Variants in MAB21L3 observed in about 807,000 individuals in gnomAD.
MAB21L3 encodes protein mab-21-like 3.
In MAB21L3, 36 loss-of-function variants were observed where a neutral mutation model predicts 37.7. The ratio of observed to expected loss-of-function variants is 0.96; its 90% CI spans 0.73 to 1.26. The LOEUF (loss-of-function observed/expected upper bound fraction) is 1.26, where lower values mean the gene tolerates loss of function less well. MAB21L3 is among the 50% of genes most tolerant of loss of function. The pLI is 0.00. For synonymous variants in MAB21L3, 186 were observed against 176.8 expected, an observed-to-expected ratio of 1.05 and a Z score of -0.41; for missense variants, 430 against 447.3, an observed-to-expected ratio of 0.96 and a Z score of 0.35.
chr1:116,121,313 G>A (rs1436334226), intron 4 of MAB21L3, among the ~76,000 whole-genome samples: 1 of 152,146 alleles, frequency 6.6e-6, no homozygotes, highest in Non-Finnish European at 1.5e-5. Flanking sequence ...ATGGCTTGAG[G>A]CCAAGAGTTT....
intron 3 of MAB21L3, among the ~76,000 whole-genome samples, chr1:116,113,053 C>T (rs1659475062): frequency 6.6e-6 from 1 of 152,098 alleles, no homozygotes. Context: ...GAAATTAAAA[C>T]AAAGCTTTTT....
At position 116,133,397 on chromosome 1, in the gene MAB21L3, T is replaced by G; in HGVS notation, c.*32T>G. On this transcript the variant is annotated 3_prime_UTR_variant, in exon 8 of 8. Transcript: ENST00000369500. ...CCCCGGCCTGGGAGGCTCTTGGACATTTTATTCTGGCTTAACATTGTTCTT... is the reference window on the plus strand; with the variant it reads ...CCCCGGCCTGGGAGGCTCTTGGACAGTTTATTCTGGCTTAACATTGTTCTT... 8.8e-6 allele frequency: 14 copies of G among 1,583,458 alleles called. No homozygotes were observed. The highest frequency in any genetic ancestry group is 1.2e-5 in the Non-Finnish European group (14 of 1,152,326).
chr1:116,123,986 A>T, intron 4 of MAB21L3, 80 bp from the exon 5 acceptor site: 1 of 1,445,180 alleles, frequency 6.9e-7, no homozygotes, highest in Non-Finnish European at 9.4e-7. Flanking sequence ...CTGCCTGACG[A>T]GACAGGTTGG....
At chr1:116,120,455 A>G (rs995124631) in intron 3 of MAB21L3, among the ~76,000 whole-genome samples, 4 of 151,586 alleles carry the variant, frequency 2.6e-5, no homozygotes, top group Non-Finnish European at 4.4e-5. Flanking sequence ...ACACATATAT[A>G]TATACAGGAA....
chr1:116,131,729 TG>T (rs1166601111), intron 7 of MAB21L3, among the ~76,000 whole-genome samples: 1 of 152,198 alleles, frequency 6.6e-6, no homozygotes, highest in East Asian at 1.9e-4. Flanking sequence ...TTAGCCAGGA[TG>T]GGACCTTGAA....
Position 116,133,375 on chromosome 1 carries a change from C to G in MAB21L3, c.*10C>G. 6.2e-7 allele frequency: 1 copy of G among 1,610,134 alleles called. No homozygotes were observed. The highest frequency in any genetic ancestry group is 8.5e-7 in the Non-Finnish European group (1 of 1,176,374). On this transcript the variant is annotated 3_prime_UTR_variant, in exon 8 of 8. Transcript: ENST00000369500. ...GATCGGCCCGCCCTGATGGTTGCCC[C>G]GGCCTGGGAGGCTCTTGGACATTTT...
intron 3 of MAB21L3, among the ~76,000 whole-genome samples, chr1:116,117,548 A>G (rs547683526): frequency 5.3e-5 from 8 of 151,790 alleles, no homozygotes; most frequent in Admixed American, 2.6e-4. Context: ...TAGCACCTCA[A>G]CTCTTACCTT....
At chr1:116,114,715 C>G (rs764936852) in intron 3 of MAB21L3, among the ~76,000 whole-genome samples, 3 of 152,084 alleles carry the variant, frequency 2.0e-5, no homozygotes, top group Non-Finnish European at 4.4e-5. Context: ...TGTACATAAC[C>G]CCAAAGGAAG....
intron 3 of MAB21L3, among the ~76,000 whole-genome samples, chr1:116,119,167 A>G (rs760669493): frequency 4.6e-5 from 7 of 152,172 alleles, no homozygotes; most frequent in Non-Finnish European, 8.8e-5. Flanking sequence ...ATAGCATCCC[A>G]CAATTGTATT....
intron 5 of MAB21L3, among the ~76,000 whole-genome samples, chr1:116,126,650 G>GA (rs537032832): frequency 8.6e-5 from 13 of 151,820 alleles, no homozygotes; most frequent in East Asian, 3.9e-4. Context: ...GGTGAAGAGG[G>GA]AAAAAAAATG....
At chr1:116,120,434 C>CACACACACACACAA in intron 3 of MAB21L3, among the ~76,000 whole-genome samples, 1 of 126,784 alleles carries the variant, frequency 7.9e-6, no homozygotes, top group Non-Finnish European at 1.5e-5. Flanking sequence ...CACACACAAA[C>CACACACACACACAA]ACACACACAC....
chr1:116,131,586 C>T (rs1212404625), intron 7 of MAB21L3, among the ~76,000 whole-genome samples: 1 of 152,168 alleles, frequency 6.6e-6, no homozygotes, highest in Non-Finnish European at 1.5e-5. Flanking sequence ...ATGATCTTGG[C>T]TCACTGCAAG....
chr1:116,133,666 T>A lies in MAB21L3; in HGVS notation c.*301T>A. The stretch of plus-strand genomic sequence containing the variant: ...TGACAGTTCTGAACTTAGTTTCCCT[T>A]GTTCAGGCTGTGATCGTCTCACAGT... On this transcript the variant is annotated 3_prime_UTR_variant, in exon 8 of 8. Coordinates refer to ENST00000369500, the MANE Select transcript of MAB21L3 (RefSeq NM_152367.3). The A allele has an allele frequency of 2.2e-6, 1 of 456,102 alleles. No individual in the cohort carries two copies. The highest frequency in any genetic ancestry group is 3.7e-5 in the Admixed American group (1 of 27,264). The allele number at this position is 456,102 out of a possible 1,614,324, so 28.3% of individuals were successfully genotyped here.
At chr1:116,118,834 C>T (rs1482324196) in intron 3 of MAB21L3, among the ~76,000 whole-genome samples, 1 of 152,220 alleles carries the variant, frequency 6.6e-6, no homozygotes, top group Non-Finnish European at 1.5e-5. Context: ...ACAACTCCAA[C>T]ACACTGTGCC....
At position 116,112,511 on chromosome 1, in the gene MAB21L3, G is replaced by A; in HGVS notation, c.-105G>A. On this transcript the variant is annotated 5_prime_UTR_variant, in exon 3 of 8. Coordinates refer to ENST00000369500, the MANE Select transcript of MAB21L3 (RefSeq NM_152367.3). ...CTTCCAGAAAAACTTAGTACCCAGA[G>A]ACTCACATTACTGGGAGTGCTATCT... is the stretch of plus-strand genomic sequence containing the variant. 1 of 990,898 alleles carries A rather than the reference G, an allele frequency of 1.0e-6. No homozygotes were observed. The highest frequency in any genetic ancestry group is 2.2e-4 in the Middle Eastern group (1 of 4,612). 61.4% of individuals were successfully genotyped at this position (990,898 alleles called of 1,614,324 possible). A position where few individuals can be genotyped will look rare whatever the true frequency, so the allele number is the denominator to read the frequency against.
At chr1:116,119,642 C>A (rs1659688366) in intron 3 of MAB21L3, among the ~76,000 whole-genome samples, 1 of 152,112 alleles carries the variant, frequency 6.6e-6, no homozygotes, top group East Asian at 1.9e-4. Flanking sequence ...GCTGAAGGAG[C>A]CTCTGAAGGA....
intron 7 of MAB21L3, among the ~76,000 whole-genome samples, chr1:116,132,737 T>G (rs1472544189): frequency 6.6e-6 from 1 of 151,956 alleles, no homozygotes; most frequent in Non-Finnish European, 1.5e-5. Flanking sequence ...GAAGATGGGA[T>G]CCAGGGCCCT....
At chr1:116,114,996 T>C (rs958133921) in intron 3 of MAB21L3, among the ~76,000 whole-genome samples, 1 of 152,194 alleles carries the variant, frequency 6.6e-6, no homozygotes, top group Non-Finnish European at 1.5e-5. Flanking sequence ...CCTTTTTCTT[T>C]TGGGGAGCAG....
intron 7 of MAB21L3, among the ~76,000 whole-genome samples, chr1:116,130,488 C>G (rs1169408307): frequency 6.6e-6 from 1 of 152,208 alleles, no homozygotes; most frequent in East Asian, 1.9e-4. Context: ...TTTAGGCATC[C>G]CTGCCCTTGA....
Sources: gnomAD v4.1 joint callset for allele counts (sites outside exome capture counted in the v4.1 genomes callset) on GRCh38, gnomAD v4.1.1 for gene constraint, MANE v1.5 for transcripts, NCBI Gene and HGNC (gene_info 2026-07-23, HGNC 2026-07-21) for gene names.